The following CDH4 variants were observed in gnomAD, a reference collection of about 807,000 sequenced individuals.
CDH4 encodes cadherin 4, also known as cadherin-4.
A neutral mutation model predicts 86.0 loss-of-function variants in CDH4; 33 were observed. The observed-to-expected ratio is 0.38, with a 90% CI of 0.29 to 0.51. CDH4 has a LOEUF of 0.51. Ranked by LOEUF, CDH4 falls within the 20% of genes least tolerant of loss-of-function variation. The probability of loss-of-function intolerance (pLI) is 0.86; values close to 1 mark genes in which losing one functional copy is unlikely to be tolerated. For synonymous variants in CDH4, 555 were observed against 549.4 expected (o/e 1.01, Z -0.14); for missense variants, 1,114 against 1,307.4 (o/e 0.85, Z 2.28).
intron 5 of CDH4, among the ~76,000 whole-genome samples, chr20:61,848,612 G>A (rs1387860892): frequency 2.6e-5 from 4 of 152,040 alleles, no homozygotes; most frequent in East Asian, 1.9e-4. Flanking sequence ...TGCAACCTCC[G>A]CCTCACAGGT....
At chr20:61,764,575 GGCCCCCCGAGCA>G (rs1309511392) in intron 3 of CDH4, among the ~76,000 whole-genome samples, 1 of 151,990 alleles carries the variant, frequency 6.6e-6, no homozygotes, top group Non-Finnish European at 1.5e-5. Context: ...TTCCGCGCAG[GGCCCCCCGAGCA>G]GCCCACTGGA....
intron 2 of CDH4, among the ~76,000 whole-genome samples, chr20:61,360,254 G>A (rs760240326): frequency 2.6e-5 from 4 of 152,210 alleles, no homozygotes; most frequent in African/African-American, 4.8e-5. Flanking sequence ...GAAAAAGTGT[G>A]TTCCTTACCC....
intron 8 of CDH4, among the ~76,000 whole-genome samples, chr20:61,905,701 A>AC (rs2054781098): frequency 1.3e-5 from 2 of 152,158 alleles, no homozygotes; most frequent in Non-Finnish European, 2.9e-5. Flanking sequence ...TCTCTTCTGA[A>AC]CCACAGACAG....
At chr20:61,819,763 AAC>A (rs1486076353) in intron 4 of CDH4, among the ~76,000 whole-genome samples, 2 of 152,284 alleles carry the variant, frequency 1.3e-5, no homozygotes, top group African/African-American at 4.8e-5. Flanking sequence ...CAGCTTTGTG[AAC>A]TTCGAGGAGG....
At chr20:61,524,800 AATTTTTAAATGC>A (rs1316946716) in intron 2 of CDH4, among the ~76,000 whole-genome samples, 1 of 152,160 alleles carries the variant, frequency 6.6e-6, no homozygotes, top group African/African-American at 2.4e-5. Context: ...TCAAAATTAA[AATTTTTAAATGC>A]ATTTTTAAAT....
intron 10 of CDH4, 32 bp from the exon 11 acceptor site, chr20:61,924,302 C>A (rs1457996018): frequency 1.3e-6 from 2 of 1,581,590 alleles, no homozygotes; most frequent in Admixed American, 3.4e-5. Context: ...CACCCCCAGC[C>A]TTACCTCCCC....
intron 2 of CDH4, among the ~76,000 whole-genome samples, chr20:61,299,925 A>C (rs2084377138): frequency 6.6e-6 from 1 of 152,144 alleles, no homozygotes; most frequent in African/African-American, 2.4e-5. Flanking sequence ...GTGGGGTTAG[A>C]GCCTTTGCCA....
intron 3 of CDH4, among the ~76,000 whole-genome samples, chr20:61,769,824 G>A (rs2088753144): frequency 6.6e-6 from 1 of 152,208 alleles, no homozygotes; most frequent in Admixed American, 6.5e-5. Context: ...GCCACTTTGA[G>A]CAGTGGGATT....
Position 61,936,775 on chromosome 20 carries a change from CT to C in CDH4, c.2584del (p.Tyr862MetfsTer22). The C allele has an allele frequency of 1.2e-6, 2 of 1,609,938 alleles. No individual in the cohort carries two copies. Among genetic ancestry groups the C allele is most frequent in the South Asian group, 1.1e-5 (1 of 90,512 alleles). On this transcript the variant is annotated frameshift_variant, in exon 16 of 16. Coordinates refer to ENST00000614565, the MANE Select transcript of CDH4 (RefSeq NM_001794.5). LOFTEE classifies it high-confidence loss of function. Reference sequence around the variant, plus strand: ...CTGACAACGACCCCACGGCACCCCCCTATGACTCCCTGCTGGTCTTCGACTA... The same window carrying C: ...CTGACAACGACCCCACGGCACCCCCCATGACTCCCTGCTGGTCTTCGACTA... ...AADNDPTAPP[Y>X]DSLLVFDYEG...
intron 3 of CDH4, among the ~76,000 whole-genome samples, chr20:61,768,228 G>A (rs1251525736): frequency 6.6e-6 from 1 of 152,194 alleles, no homozygotes; most frequent in Admixed American, 6.5e-5. Context: ...CATAAGCAAT[G>A]CGTACCTGTG....
intron 15 of CDH4, among the ~76,000 whole-genome samples, chr20:61,934,441 T>C (rs1378752889): frequency 6.6e-6 from 1 of 152,150 alleles, no homozygotes; most frequent in Non-Finnish European, 1.5e-5. Flanking sequence ...GATTCCTCCC[T>C]GTAGGCTAGG....
At chr20:61,886,597 A>G (rs988422276) in intron 7 of CDH4, among the ~76,000 whole-genome samples, 2 of 152,152 alleles carry the variant, frequency 1.3e-5, no homozygotes, top group Non-Finnish European at 2.9e-5. Context: ...TCGAGGGTTG[A>G]CGTGGGGAGC....
intron 2 of CDH4, among the ~76,000 whole-genome samples, chr20:61,422,420 GTC>G (rs2085183135): frequency 3.9e-5 from 1 of 25,968 alleles, no homozygotes; most frequent in Non-Finnish European, 7.7e-5. Context: ...GCAAAACTCC[GTC>G]TCAAAAAAAA....
chr20:61,598,879 G>C (rs2086576641), intron 2 of CDH4, among the ~76,000 whole-genome samples: 2 of 152,184 alleles, frequency 1.3e-5, no homozygotes, highest in Admixed American at 1.3e-4. Flanking sequence ...TCCCTGGATG[G>C]CTCCTCCAGG....
At chr20:61,882,216 A>G (rs1984312696) in intron 7 of CDH4, among the ~76,000 whole-genome samples, 2 of 152,128 alleles carry the variant, frequency 1.3e-5, no homozygotes, top group Non-Finnish European at 2.9e-5. Context: ...CTGAGGCTTT[A>G]TTGGCACACA....
At chr20:61,306,138 G>A (rs1276509541) in intron 2 of CDH4, among the ~76,000 whole-genome samples, 1 of 152,006 alleles carries the variant, frequency 6.6e-6, no homozygotes, top group Admixed American at 6.6e-5. Flanking sequence ...CCTTGCTTAG[G>A]GTTTCATCTC....
intron 4 of CDH4, among the ~76,000 whole-genome samples, chr20:61,833,570 C>T (rs563067807): frequency 1.5e-3 from 232 of 152,054 alleles, no homozygotes; most frequent in African/African-American, 5.4e-3. Flanking sequence ...CAGTATTCAG[C>T]CTTCATTTAT....
At chr20:61,547,222 TTG>T (rs1175627449) in intron 2 of CDH4, among the ~76,000 whole-genome samples, 3,627 of 103,020 alleles carry the variant, frequency 0.035, 256 homozygotes, top group African/African-American at 0.07. Context: ...TTTTTTTTTT[TTG>T]CCCCCTGAGA....
chr20:61,466,983 T>C (rs6062230), intron 2 of CDH4, among the ~76,000 whole-genome samples: 5,062 of 152,298 alleles, frequency 0.033, 285 homozygotes, highest in African/African-American at 0.12. Context: ...CTTGGCCTCT[T>C]TCTGACCCAC....
Sources: gnomAD v4.1 joint callset for allele counts (sites outside exome capture counted in the v4.1 genomes callset) on GRCh38, gnomAD v4.1.1 for gene constraint, MANE v1.5 for transcripts, NCBI Gene and HGNC (gene_info 2026-07-23, HGNC 2026-07-21) for gene names.